The following COX6C variants were observed in gnomAD, a reference collection of about 807,000 sequenced individuals.
The protein encoded by COX6C is cytochrome c oxidase polypeptide VIc.
COX6C carries 3 observed loss-of-function variants against 6.9 expected under a neutral mutation model. That is an observed-to-expected ratio of 0.43 (90% CI 0.20 to 1.12). The LOEUF (loss-of-function observed/expected upper bound fraction) is 1.12, where lower values mean the gene tolerates loss of function less well. Among genes scored for constraint, COX6C ranks in the 50% most tolerant of loss-of-function variants. COX6C has a pLI of 0.27. For missense variants in COX6C, 101 were observed against 97.3 expected, an observed-to-expected ratio of 1.04 and a Z score of -0.16; for synonymous variants, 32 against 32.0, an observed-to-expected ratio of 1.00 and a Z score of 0.00.
At chr8:99,889,607 C>T (rs1241561283) in intron 2 of COX6C, among the ~76,000 whole-genome samples, 2 of 151,112 alleles carry the variant, frequency 1.3e-5, no homozygotes, top group Admixed American at 6.6e-5. Flanking sequence ...AGGCTGGTCT[C>T]GAACTCCTGA....
chr8:99,882,711 G>C (rs1375220201), intron 3 of COX6C, among the ~76,000 whole-genome samples: 2 of 152,168 alleles, frequency 1.3e-5, no homozygotes, highest in Admixed American at 6.5e-5. Context: ...TGATTTTACA[G>C]ATCTAAAAAG....
intron 2 of COX6C, among the ~76,000 whole-genome samples, chr8:99,889,246 G>A (rs569603866): frequency 2.0e-5 from 3 of 152,168 alleles, no homozygotes; most frequent in African/African-American, 4.8e-5. Flanking sequence ...GGTCCACTTA[G>A]TGCTCCCACT....
At chr8:99,888,431 C>T (rs1190885824) in intron 2 of COX6C, among the ~76,000 whole-genome samples, 3 of 151,724 alleles carry the variant, frequency 2.0e-5, no homozygotes, top group African/African-American at 7.3e-5. Flanking sequence ...ATTAGCCAGG[C>T]ATGGTGGTGG....
At chr8:99,885,216 T>C (rs1474170471) in intron 3 of COX6C, among the ~76,000 whole-genome samples, 2 of 152,250 alleles carry the variant, frequency 1.3e-5, no homozygotes, top group Non-Finnish European at 2.9e-5. Context: ...TACAGCAAGA[T>C]ATTGAGAGAT....
chr8:99,891,246 A>T (rs915824473), intron 2 of COX6C, among the ~76,000 whole-genome samples: 5 of 152,162 alleles, frequency 3.3e-5, no homozygotes, highest in Non-Finnish European at 5.9e-5. Flanking sequence ...AATATGAGTG[A>T]TGTTCTTTTA....
rs537426091 is a variant in COX6C, at chr8:99,887,708, T to C, written c.115-90A>G. On this transcript the variant is annotated intron_variant, in intron 2 of 3. Transcript: ENST00000520468. ...ATATATAAAGACAAGGTAGAACACATGTTTTTGTTCACCCTTTAATTTAAA... is the reference window on the plus strand; with the variant it reads ...ATATATAAAGACAAGGTAGAACACACGTTTTTGTTCACCCTTTAATTTAAA... 81 of 825,858 alleles carry C rather than the reference T, an allele frequency of 9.8e-5. No homozygotes were observed. In the East Asian group the frequency reaches 2.3e-3, roughly 24 times the overall value. 51.2% of individuals were successfully genotyped at this position (825,858 alleles called of 1,614,324 possible).
intron 2 of COX6C, among the ~76,000 whole-genome samples, chr8:99,888,634 G>A (rs1014262869): frequency 6.6e-5 from 10 of 152,156 alleles, no homozygotes; most frequent in Non-Finnish European, 1.5e-4. Context: ...TTACATGTAC[G>A]GTTAATTTGG....
At chr8:99,891,371 C>T (rs1345925261) in intron 2 of COX6C, among the ~76,000 whole-genome samples, 1 of 152,042 alleles carries the variant, frequency 6.6e-6, no homozygotes, top group Non-Finnish European at 1.5e-5. Flanking sequence ...AACAACGTGG[C>T]CATCTCTGAA....
At chr8:99,881,301 A>T (rs972915944) in intron 3 of COX6C, among the ~76,000 whole-genome samples, 1 of 152,070 alleles carries the variant, frequency 6.6e-6, no homozygotes, top group Non-Finnish European at 1.5e-5. Context: ...CGGAAGTTGC[A>T]GTGAGCCGAG....
At chr8:99,884,449 TG>T (rs1164945565) in intron 3 of COX6C, among the ~76,000 whole-genome samples, 2 of 152,208 alleles carry the variant, frequency 1.3e-5, no homozygotes, top group Non-Finnish European at 2.9e-5. Context: ...CTGACCTAGA[TG>T]AAACAGATAT....
intron 3 of COX6C, among the ~76,000 whole-genome samples, chr8:99,886,533 T>C (rs1817945059): frequency 6.6e-6 from 1 of 152,172 alleles, no homozygotes; most frequent in Non-Finnish European, 1.5e-5. Context: ...AAAGAATTGA[T>C]AGCAAGGCCT....
intron 3 of COX6C, among the ~76,000 whole-genome samples, chr8:99,881,057 C>T (rs1291637880): frequency 1.3e-5 from 2 of 152,070 alleles, no homozygotes; most frequent in African/African-American, 4.8e-5. Context: ...AACATAGAAG[C>T]TTATATTAAA....
At chr8:99,887,708 T>A in intron 2 of COX6C, 90 bp from the exon 3 acceptor site, 1 of 825,858 alleles carries the variant, frequency 1.2e-6, no homozygotes, top group Non-Finnish European at 1.8e-6. Flanking sequence ...GTAGAACACA[T>A]GTTTTTGTTC....
intron 3 of COX6C, chr8:99,887,027 T>G (rs1817952040): frequency 6.6e-6 from 1 of 152,356 alleles, no homozygotes; most frequent in Non-Finnish European, 1.5e-5. Context: ...TACATTCTGA[T>G]AAAACCATCA....
At chr8:99,881,423 C>G (rs1327854440) in intron 3 of COX6C, among the ~76,000 whole-genome samples, 1 of 149,284 alleles carries the variant, frequency 6.7e-6, no homozygotes, top group Admixed American at 6.7e-5. Flanking sequence ...ATTTAAAAGA[C>G]AAAAGCATAA....
intron 2 of COX6C, among the ~76,000 whole-genome samples, chr8:99,890,169 C>T (rs1292515636): frequency 1.3e-5 from 2 of 151,980 alleles, no homozygotes; most frequent in Non-Finnish European, 2.9e-5. Flanking sequence ...CTCCATATCG[C>T]CCAGGCTGGT....
intron 2 of COX6C, 111 bp downstream of exon 2, chr8:99,891,797 T>C (rs1818056073): frequency 3.4e-6 from 3 of 892,428 alleles, no homozygotes; most frequent in African/African-American, 1.6e-5. Context: ...CTGAGGTGAG[T>C]GCAGAAAGGG....
chr8:99,892,424 G>A (rs113450604), intron 1 of COX6C, among the ~76,000 whole-genome samples: 16 of 152,066 alleles, frequency 1.1e-4, no homozygotes, highest in Non-Finnish European at 2.4e-4. Context: ...ATAAGATTTG[G>A]GTTGAGACAT....
intron 2 of COX6C, among the ~76,000 whole-genome samples, chr8:99,891,482 GAAAAAGGA>G (rs1818031037): frequency 6.7e-6 from 1 of 150,270 alleles, no homozygotes; most frequent in South Asian, 2.1e-4. Context: ...TTCAAAGAAA[GAAAAAGGA>G]AAGAAGGAAA....
Sources: allele counts gnomAD v4.1 joint callset (sites outside exome capture counted in the v4.1 genomes callset), GRCh38; gene constraint gnomAD v4.1.1; transcripts MANE v1.5; gene names NCBI Gene and HGNC (gene_info 2026-07-23, HGNC 2026-07-21).